RHPN1: variants seen among roughly 807,000 people sequenced by gnomAD.
The protein encoded by RHPN1 is rhophilin-1.
RHPN1 carries 77 observed loss-of-function variants against 74.7 expected under a neutral mutation model. That is an observed-to-expected ratio of 1.03 (90% confidence interval 0.86 to 1.25). The LOEUF is 1.25. Ranked by LOEUF, RHPN1 falls within the 50% of genes most tolerant of loss-of-function variation. RHPN1 has a pLI of 0.00. For synonymous variants in RHPN1, 444 were observed against 414.5 expected, an observed-to-expected ratio of 1.07 and a Z score of -0.87; for missense variants, 987 against 932.2, an observed-to-expected ratio of 1.06 and a Z score of -0.77.
At position 143,380,109 on chromosome 8, in the gene RHPN1, C is replaced by A; in HGVS notation, c.1150C>A (p.Pro384Thr). The change falls in exon 10 of 15, where the codon CCC becomes ACC. Residue 384 changes from proline to threonine, a missense_variant. Coordinates refer to ENST00000289013, the MANE Select transcript of RHPN1 (RefSeq NM_052924.3). ...LPTHEQVFLQ[P>T]PTSSKPRGPV... ...CACGCACGAGCAGGTCTTCCTGCAG[C>A]CCCCCACCTCCTCTAAGCCCCGAGG... 1 of 1,551,922 alleles carries A rather than the reference C, an allele frequency of 6.4e-7. No homozygotes were observed. The highest frequency in any genetic ancestry group is 8.7e-7 in the Non-Finnish European group (1 of 1,149,034).
Position 143,379,856 on chromosome 8 carries a change from C to G in RHPN1, c.973C>G (p.Arg325Gly), listed in dbSNP as rs534849904. Residue 325 changes from arginine to glycine, a missense_variant, in exon 9 of 15, where the codon CGG becomes GGG. Coordinates refer to ENST00000289013, the MANE Select transcript of RHPN1 (RefSeq NM_052924.3). ...QVAAEYRLVH[R>G]TMAQPPVHDY... Reference sequence around the variant, plus strand: ...GGCAGCCGAGTACAGGCTAGTGCACCGGACCATGGCCCAGCCACCCGTCCA... The same window carrying G: ...GGCAGCCGAGTACAGGCTAGTGCACGGGACCATGGCCCAGCCACCCGTCCA... The G allele has an allele frequency of 1.2e-6, 2 of 1,610,632 alleles. No individual in the cohort carries two copies. Among genetic ancestry groups the G allele is most frequent in the South Asian group, 2.2e-5 (2 of 90,844 alleles).
chr8:143,379,596 C>T (rs1818558095), intron 8 of RHPN1, 88 bp downstream of exon 8: 2 of 1,460,402 alleles, frequency 1.4e-6, no homozygotes, highest in Non-Finnish European at 1.8e-6. Context: ...GCTCTCCCAC[C>T]TCCTTCCTTG....
At chr8:143,372,253 G>C (rs904691100) in intron 1 of RHPN1, among the ~76,000 whole-genome samples, 14 of 151,704 alleles carry the variant, frequency 9.2e-5, no homozygotes, top group African/African-American at 3.4e-4. Context: ...GGGTCTCCTA[G>C]GTACTGGGCA....
In RHPN1 at chr8:143,383,590, G is replaced by T; in HGVS notation, c.*939G>T. The T allele has an allele frequency of 6.6e-6, 1 of 152,572 alleles. No individual in the cohort carries two copies. Among genetic ancestry groups the T allele is most frequent in the South Asian group, 2.1e-4 (1 of 4,834 alleles). The allele number at this position is 152,572 out of a possible 1,614,324, so 9.5% of individuals were successfully genotyped here. A position where few individuals can be genotyped will look rare whatever the true frequency, so the allele number is the denominator to read the frequency against. ...CACCTCCAGGACCCCTACAGCAGTG[G>T]GCTCAGGACTTGGGCACCAAGAGGA... On this transcript the variant is annotated 3_prime_UTR_variant, in exon 15 of 15. Coordinates refer to ENST00000289013, the MANE Select transcript of RHPN1 (RefSeq NM_052924.3).
chr8:143,369,901 G>C (rs1032110030), intron 1 of RHPN1, among the ~76,000 whole-genome samples: 2 of 152,226 alleles, frequency 1.3e-5, no homozygotes, highest in Non-Finnish European at 2.9e-5. Context: ...TCTCCTAGAG[G>C]AGGAGGCGGT....
chr8:143,374,065 A>G (rs1586810498), intron 1 of RHPN1: 2 of 946,912 alleles, frequency 2.1e-6, no homozygotes, highest in African/African-American at 3.5e-5. Flanking sequence ...CCTTTCTTGT[A>G]TAATGGGAAT....
chr8:143,379,285 C>T, intron 7 of RHPN1, 30 bp from the exon 8 acceptor site: 1 of 1,547,182 alleles, frequency 6.5e-7, no homozygotes, highest in Non-Finnish European at 8.7e-7. Flanking sequence ...GTACAGGGCC[C>T]TGCCTGTGTG....
At position 143,381,768 on chromosome 8, in the gene RHPN1, G is replaced by A. The variant is rs1417967017; in HGVS notation, c.1636-39G>A. ...GGCTGAGTCCTTGGTGCCAGCCAGG[G>A]TGTCCTGTCCCCACCTCACCGTCCA... On this transcript the variant is annotated intron_variant, in intron 13 of 14. Transcript: ENST00000289013. The A allele has an allele frequency of 1.9e-6, 3 of 1,606,266 alleles. No individual in the cohort carries two copies. The Admixed American group carries it at 5.1e-5, about 27-fold the overall frequency.
rs1292286435 is a variant in RHPN1 at position 143,383,524 on chromosome 8, C to G, written c.*873C>G. 2 of 152,414 alleles carry G rather than the reference C, an allele frequency of 1.3e-5. No individual in the cohort carries two copies. Among genetic ancestry groups the G allele is most frequent in the Non-Finnish European group, 2.9e-5 (2 of 68,170 alleles). 9.4% of individuals were successfully genotyped at this position (152,414 alleles called of 1,614,324 possible). ...AGGGCTGCCTCCAGGCCTCCGTGTA[C>G]TGGGTGGACAATGGCCCCCAAAGGC... On this transcript the variant is annotated 3_prime_UTR_variant, in exon 15 of 15. Transcript: ENST00000289013.
intron 2 of RHPN1, among the ~76,000 whole-genome samples, chr8:143,375,932 C>T (rs545219485): frequency 2.0e-4 from 31 of 152,330 alleles, no homozygotes; most frequent in Non-Finnish European, 3.7e-4. Flanking sequence ...CAACAGTGCA[C>T]GTGGGGGCTT....
At chr8:143,379,207 G>A in intron 7 of RHPN1, 108 bp from the exon 8 acceptor site, 2 of 1,387,070 alleles carry the variant, frequency 1.4e-6, no homozygotes, top group Non-Finnish European at 1.9e-6. Flanking sequence ...AGCACATCAG[G>A]TCCATATGTG....
rs754647115 is a variant in RHPN1 at position 143,379,035 on chromosome 8, C to T, written c.708C>T (p.Thr236=). 17 of 1,544,350 alleles carry T rather than the reference C, an allele frequency of 1.1e-5. No homozygotes were observed. The highest frequency in any genetic ancestry group is 1.7e-4 in the Middle Eastern group (1 of 5,926). ...QIGARQDRSC[T]EGARRAMEAF... ...GGGCGCGCCAGGACCGCTCCTGCAC[C>T]GAGGGTGCCCGCCGCGCTATGGAGG... The change falls in exon 7 of 15, where the codon ACC becomes ACT. Residue 236 remains threonine (T), a synonymous_variant. Coordinates refer to ENST00000289013, the MANE Select transcript of RHPN1 (RefSeq NM_052924.3).
Position 143,380,153 on chromosome 8 carries a change from G to A in RHPN1, c.1194G>A (p.Glu398=). 1.3e-6 allele frequency: 2 copies of A among 1,546,118 alleles called. No homozygotes were observed. The highest frequency in any genetic ancestry group is 1.4e-5 in the African/African-American group (1 of 73,188). Reference sequence around the variant, plus strand: ...CCCGAGGCCCTGTGCTGCCGCAGGAGCTGGAGGAGCGCAGGCAGCTTGGTA... The same window carrying A: ...CCCGAGGCCCTGTGCTGCCGCAGGAACTGGAGGAGCGCAGGCAGCTTGGTA... ...SKPRGPVLPQ[E]LEERRQLGKA... Residue 398 remains glutamate (E), a synonymous_variant, in exon 10 of 15, where the codon GAG becomes GAA. Coordinates refer to ENST00000289013, the MANE Select transcript of RHPN1 (RefSeq NM_052924.3).
intron 3 of RHPN1, among the ~76,000 whole-genome samples, chr8:143,377,120 A>G (rs942641850): frequency 2.3e-4 from 34 of 147,544 alleles, no homozygotes; most frequent in African/African-American, 8.0e-4. Flanking sequence ...GTGTGTCTGC[A>G]TGTGTATGCA....
At chr8:143,382,386 G>T in intron 14 of RHPN1, 50 bp from the exon 15 acceptor site, 1 of 1,494,208 alleles carries the variant, frequency 6.7e-7, no homozygotes, top group South Asian at 1.2e-5. Flanking sequence ...GCTGCAGGTG[G>T]GGACAGGCCA....
rs773353904 is a variant in RHPN1 at position 143,368,972 on chromosome 8, C to A, written c.-16C>A. 2.0e-6 allele frequency: 3 copies of A among 1,472,016 alleles called. No homozygotes were observed. Among genetic ancestry groups the A allele is most frequent in the South Asian group, 1.3e-5 (1 of 77,802 alleles). 91.2% of individuals were successfully genotyped at this position (1,472,016 alleles called of 1,614,324 possible). A position where few individuals can be genotyped will look rare whatever the true frequency, so the allele number is the denominator to read the frequency against. Reference sequence around the variant, plus strand: ...CTGGCTGACCCCGAGGGACCCCCAGCGCAGCGGGTGCGGCGATGATCCTGG... The same window carrying A: ...CTGGCTGACCCCGAGGGACCCCCAGAGCAGCGGGTGCGGCGATGATCCTGG... On this transcript the variant is annotated 5_prime_UTR_variant, in exon 1 of 15. Transcript: ENST00000289013.
chr8:143,378,557 C>T (rs1413546995), intron 5 of RHPN1, 139 bp from the exon 6 acceptor site: 17 of 1,236,472 alleles, frequency 1.4e-5, no homozygotes, highest in Admixed American at 1.2e-4. Flanking sequence ...TGCTGGCCTT[C>T]GGGAGTCACG....
Position 143,383,651 on chromosome 8 carries a change from C to G in RHPN1, c.*1000C>G, listed in dbSNP as rs528007548. ...AGGGCTGCAGAGTCAGGGCTGCACC[C>G]AAGAGGAGCCACGGAGCCGGAGCCG... On this transcript the variant is annotated 3_prime_UTR_variant, in exon 15 of 15. Transcript: ENST00000289013. 6.5e-6 allele frequency: 1 copy of G among 152,880 alleles called. No homozygotes were observed. The highest frequency in any genetic ancestry group is 1.5e-5 in the Non-Finnish European group (1 of 68,564). The allele number at this position is 152,880 out of a possible 1,614,324, so 9.5% of individuals were successfully genotyped here.
rs1288306570 is a variant in RHPN1, at chr8:143,376,605, A to T, written c.257A>T (p.Glu86Val). 1 of 1,595,830 alleles carries T rather than the reference A, an allele frequency of 6.3e-7. No individual in the cohort carries two copies. The highest frequency in any genetic ancestry group is 1.1e-5 in the South Asian group (1 of 88,456). The change falls in exon 3 of 15, where the codon GAG becomes GTG. Residue 86 changes from glutamate (E) to valine (V), a missense_variant. Physicochemically the swap from Glu to Val is moderately radical, Grantham distance 121. Transcript: ENST00000289013. The stretch of plus-strand genomic sequence containing the variant: ...AACTCCAACCTGCAGCTGCTGAAGG[A>T]GGAGCTGGAGGAGCTCAGCGGTGGC... ...YVNSNLQLLK[E>V]ELEELSGGVD...
Sources: allele counts gnomAD v4.1 joint callset (sites outside exome capture counted in the v4.1 genomes callset), GRCh38; gene constraint gnomAD v4.1.1; transcripts MANE v1.5; gene names NCBI Gene and HGNC (gene_info 2026-07-23, HGNC 2026-07-21).